Variants in CHRM5 observed in about 807,000 individuals in gnomAD.
The protein encoded by CHRM5 is cholinergic receptor muscarinic 5.
Under a neutral mutation model 39.0 loss-of-function variants are expected in CHRM5, and 18 were observed. The ratio of observed to expected loss-of-function variants is 0.46; its 90% CI spans 0.32 to 0.68. The LOEUF is 0.68. Ranked by LOEUF, CHRM5 falls within the 30% of genes least tolerant of loss-of-function variation. The pLI, the probability that CHRM5 is intolerant of heterozygous loss-of-function variation, is 0.04. For synonymous variants in CHRM5, 241 were observed against 246.3 expected, an observed-to-expected ratio of 0.98 and a Z score of 0.20; for missense variants, 515 against 651.1, an observed-to-expected ratio of 0.79 and a Z score of 2.28.
chr15:34,038,829 C>G, intron 1 of CHRM5: 1 of 1,189,972 alleles, frequency 8.4e-7, no homozygotes, highest in African/African-American at 1.6e-5. Context: ...GCGGCTGCCT[C>G]GCGGGGCGCC....
intron 1 of CHRM5, among the ~76,000 whole-genome samples, chr15:33,975,624 A>G (rs1255335135): frequency 2.6e-5 from 4 of 152,234 alleles, no homozygotes; most frequent in Non-Finnish European, 5.9e-5. Flanking sequence ...AGAAAACAAC[A>G]GAATTTGTTA....
chr15:33,985,761 T>C (rs1443572559), intron 1 of CHRM5, among the ~76,000 whole-genome samples: 1 of 152,160 alleles, frequency 6.6e-6, no homozygotes, highest in Non-Finnish European at 1.5e-5. Context: ...CAAAGACTAC[T>C]GTTCCCAATT....
At chr15:34,055,725 C>T (rs995412294) in intron 2 of CHRM5, among the ~76,000 whole-genome samples, 5 of 151,848 alleles carry the variant, frequency 3.3e-5, no homozygotes, top group East Asian at 1.9e-4. Context: ...GGTGTGAACC[C>T]GGGAGGTGGA....
At position 33,984,258 on chromosome 15, in the gene CHRM5, C is replaced by G. The variant is rs75100436; in HGVS notation, c.-408+15108C>G. ...AATTCACTGTATTATCTTTGTAACT[C>G]TTCTGAAAAATCTAAAAAGTATTAG... On this transcript the variant is annotated intron_variant, in intron 1 of 2. Coordinates refer to ENST00000383263, the MANE Select transcript of CHRM5 (RefSeq NM_012125.4). Among the ~76,000 whole-genome samples, 859 of 152,194 alleles carry G rather than the reference C, an allele frequency of 5.6e-3. 21 individuals are homozygous for G. Among genetic ancestry groups the G allele is most frequent in the Admixed American group, 0.041 (625 of 15,288 alleles).
intron 2 of CHRM5, among the ~76,000 whole-genome samples, chr15:34,053,688 T>C: frequency 6.6e-6 from 1 of 152,026 alleles, no homozygotes; most frequent in Non-Finnish European, 1.5e-5. Flanking sequence ...TCAAGATGAA[T>C]TAAAGATTTA....
At chr15:34,030,409 A>G (rs1204573790) in intron 1 of CHRM5, among the ~76,000 whole-genome samples, 3 of 151,580 alleles carry the variant, frequency 2.0e-5, no homozygotes, top group South Asian at 2.1e-4. Context: ...GCAGTGGCGC[A>G]ATCTCGCTTC....
At chr15:33,998,503 A>C (rs1897021683) in intron 1 of CHRM5, among the ~76,000 whole-genome samples, 1 of 152,138 alleles carries the variant, frequency 6.6e-6, no homozygotes, top group South Asian at 2.1e-4. Flanking sequence ...GTCTTGACTC[A>C]CTTCTCCCAC....
chr15:34,009,302 T>A (rs1897531319), intron 1 of CHRM5, among the ~76,000 whole-genome samples: 1 of 152,164 alleles, frequency 6.6e-6, no homozygotes, highest in African/African-American at 2.4e-5. Flanking sequence ...AAACAGCAAT[T>A]CAAATCCACA....
In CHRM5 at chr15:34,064,438, T is replaced by A. The variant is rs1900457772; in HGVS notation, c.*122T>A. The A allele has an allele frequency of 8.0e-7, 1 of 1,253,214 alleles. No homozygotes were observed. Among genetic ancestry groups the A allele is most frequent in the South Asian group, 1.6e-5 (1 of 61,746 alleles). 77.6% of individuals were successfully genotyped at this position (1,253,214 alleles called of 1,614,324 possible). A position where few individuals can be genotyped will look rare whatever the true frequency, so the allele number is the denominator to read the frequency against. ...CATCTCATTTTGAGTCCTTGAAGAT[T>A]TTTGTAAAGGCTCAAGTTTGGTTGC... On this transcript the variant is annotated 3_prime_UTR_variant, in exon 3 of 3. Transcript: ENST00000383263.
chr15:34,006,025 G>A (rs1251094899), intron 1 of CHRM5, among the ~76,000 whole-genome samples: 1 of 152,102 alleles, frequency 6.6e-6, no homozygotes, highest in Non-Finnish European at 1.5e-5. Flanking sequence ...ACAGAAAATA[G>A]CCTTGGCCAG....
chr15:33,981,749 C>T (rs1345265004), intron 1 of CHRM5, among the ~76,000 whole-genome samples: 1 of 152,172 alleles, frequency 6.6e-6, no homozygotes, highest in African/African-American at 2.4e-5. Context: ...ATAAAATTGT[C>T]TAATACTAAC....
At chr15:34,014,391 C>A (rs7179291) in intron 1 of CHRM5, among the ~76,000 whole-genome samples, 20,666 of 30,756 alleles carry the variant, frequency 0.67, 6,589 homozygotes, top group African/African-American at 0.77. Context: ...AAAACAAAAA[C>A]AAAAACCACG....
intron 1 of CHRM5, among the ~76,000 whole-genome samples, chr15:34,027,903 C>T (rs1022038676): frequency 4.0e-5 from 6 of 151,418 alleles, no homozygotes; most frequent in Non-Finnish European, 8.8e-5. Context: ...CATTGTAGAA[C>T]GTTGACATTA....
At position 34,057,303 on chromosome 15, in the gene CHRM5, A is replaced by ATTTT. The variant is rs59628367; in HGVS notation, c.-75-5331_-75-5328dup. Reference sequence around the variant, plus strand: ...AGGCACATGCCACCACGCCCAGCTAATTTTTTTTTTTTGTATTTTTAGTAG... The same window carrying ATTTT: ...AGGCACATGCCACCACGCCCAGCTAATTTTTTTTTTTTTTTTGTATTTTTAGTAG... On this transcript the variant is annotated intron_variant, in intron 2 of 2. Coordinates refer to ENST00000383263, the MANE Select transcript of CHRM5 (RefSeq NM_012125.4). 8.7e-3 allele frequency among the ~76,000 whole-genome samples: 1,277 copies of ATTTT among 147,278 alleles called. 11 individuals are homozygous for ATTTT. The highest frequency in any genetic ancestry group is 0.02 in the African/African-American group (794 of 40,104).
At chr15:34,060,492 T>G (rs1243656318) in intron 2 of CHRM5, among the ~76,000 whole-genome samples, 1 of 152,200 alleles carries the variant, frequency 6.6e-6, no homozygotes, top group African/African-American at 2.4e-5. Flanking sequence ...TGTCAGTTAC[T>G]GTTATCAAAA....
chr15:33,978,646 G>C (rs1419548311), intron 1 of CHRM5, among the ~76,000 whole-genome samples: 1 of 151,998 alleles, frequency 6.6e-6, no homozygotes, highest in Non-Finnish European at 1.5e-5. Flanking sequence ...CTGGGTGACA[G>C]AGTGAGACTC....
chr15:34,048,228 C>A (rs1198971284), intron 2 of CHRM5, among the ~76,000 whole-genome samples: 1 of 152,230 alleles, frequency 6.6e-6, no homozygotes, highest in Non-Finnish European at 1.5e-5. Context: ...TGGGTGGGAT[C>A]TCCCTGTGGG....
chr15:33,971,356 G>A (rs1277363499), intron 1 of CHRM5, among the ~76,000 whole-genome samples: 1 of 151,980 alleles, frequency 6.6e-6, no homozygotes, highest in Non-Finnish European at 1.5e-5. Flanking sequence ...TAGAAATGGA[G>A]CAAATATTTT....
chr15:34,013,511 T>C (rs1434904405), intron 1 of CHRM5, among the ~76,000 whole-genome samples: 1 of 152,234 alleles, frequency 6.6e-6, no homozygotes, highest in Admixed American at 6.5e-5. Context: ...TTTTGCTCCT[T>C]GCACCACTAA....
Sources: allele counts gnomAD v4.1 joint callset (sites outside exome capture counted in the v4.1 genomes callset), GRCh38; gene constraint gnomAD v4.1.1; transcripts MANE v1.5; gene names NCBI Gene and HGNC (gene_info 2026-07-23, HGNC 2026-07-21).